SCN9A: variants seen among roughly 807,000 people sequenced by gnomAD.
SCN9A encodes the protein sodium voltage-gated channel alpha subunit 9, also known as sodium channel protein type 9 subunit alpha.
SCN9A carries 131 observed loss-of-function variants against 187.0 expected under a neutral mutation model. The observed-to-expected ratio is 0.70, with a 90% CI of 0.61 to 0.81. The LOEUF (loss-of-function observed/expected upper bound fraction) is 0.81. Among genes scored for constraint, SCN9A ranks in the 30% least tolerant of loss-of-function variants. The pLI is 0.00. For missense variants in SCN9A, 2,252 were observed against 2,396.6 expected, an observed-to-expected ratio of 0.94 and a Z score of 1.26; for synonymous variants, 809 against 808.6, an observed-to-expected ratio of 1.00 and a Z score of -0.01.
At chr2:166,297,575 C>T (rs1698373020) in intron 7 of SCN9A, among the ~76,000 whole-genome samples, 1 of 151,322 alleles carries the variant, frequency 6.6e-6, no homozygotes, top group Non-Finnish European at 1.5e-5. Context: ...TCCCTAGGGA[C>T]AGAAAGTAGA....
intron 16 of SCN9A, among the ~76,000 whole-genome samples, chr2:166,275,810 C>T (rs1697211566): frequency 6.6e-6 from 1 of 152,142 alleles, no homozygotes; most frequent in Non-Finnish European, 1.5e-5. Context: ...AGAATTTGTG[C>T]TGCATAAATG....
intron 15 of SCN9A, 71 bp from the exon 16 acceptor site, chr2:166,277,410 G>T: frequency 9.8e-7 from 1 of 1,016,052 alleles, no homozygotes; most frequent in Non-Finnish European, 1.5e-6. Flanking sequence ...CTTGATTTTT[G>T]TTCAAAGGGT....
Position 166,311,621 on chromosome 2 carries a change from C to T in SCN9A, c.136G>A (p.Ala46Thr), listed in dbSNP as rs779344629. The change falls in exon 2 of 27, where the codon GCC becomes ACC. Residue 46 changes from alanine to threonine, a missense_variant. Ala to Thr is a moderately conservative substitution (Grantham distance 58). This residue lies in a region of SCN9A where 1,013 missense variants were observed against 997.4 expected (regional missense o/e 1.02). Coordinates refer to ENST00000642356, the MANE Select transcript of SCN9A (RefSeq NM_001365536.1). ...KEEKKDDDEE[A>T]PKPSSDLEAG... Reference sequence around the variant, plus strand: ...TCCAAGTCACTGCTTGGCTTTGGGGCTTCTTCATCATCATCTTTCTTTTCT... The same window carrying T: ...TCCAAGTCACTGCTTGGCTTTGGGGTTTCTTCATCATCATCTTTCTTTTCT... The T allele has an allele frequency of 2.7e-5, 44 of 1,612,974 alleles. No individual in the cohort carries two copies. The highest frequency in any genetic ancestry group is 3.6e-5 in the Non-Finnish European group (43 of 1,179,710).
At chr2:166,316,066 T>C (rs1699099360) in intron 1 of SCN9A, among the ~76,000 whole-genome samples, 1 of 152,122 alleles carries the variant, frequency 6.6e-6, no homozygotes, top group Non-Finnish European at 1.5e-5. Flanking sequence ...AGATTTAATC[T>C]CATAACAATG....
At chr2:166,342,714 C>T (rs1044183181) in intron 1 of SCN9A, among the ~76,000 whole-genome samples, 11 of 152,190 alleles carry the variant, frequency 7.2e-5, no homozygotes, top group African/African-American at 2.2e-4. Context: ...TAAAAATATA[C>T]ACAAAATTGA....
intron 17 of SCN9A, among the ~76,000 whole-genome samples, chr2:166,258,789 A>T (rs1384940831): frequency 6.6e-6 from 1 of 151,690 alleles, no homozygotes; most frequent in Non-Finnish European, 1.5e-5. Flanking sequence ...CTTCTTCCAC[A>T]ATTTTTTAGA....
At chr2:166,211,608 C>G (rs1377908527) in intron 24 of SCN9A, among the ~76,000 whole-genome samples, 1 of 151,624 alleles carries the variant, frequency 6.6e-6, no homozygotes, top group Admixed American at 6.6e-5. Context: ...TGTAGAAACA[C>G]ATTATAAAAA....
At chr2:166,323,443 G>A (rs1454199495) in intron 1 of SCN9A, among the ~76,000 whole-genome samples, 1 of 152,100 alleles carries the variant, frequency 6.6e-6, no homozygotes, top group Non-Finnish European at 1.5e-5. Context: ...CTTCACATAG[G>A]GAAAATCTAT....
rs1366858788 is a variant in SCN9A at position 166,199,080 on chromosome 2, A to T, written c.5559T>A (p.Ser1853Arg). ...FAFTKRVLGE[S>R]GEMDSLRSQM... ...GTGAACGAAGAGAATCCATCTCCCCACTCTCACCCAAAACACGCTTTGTAA... is the reference window on the plus strand; with the variant it reads ...GTGAACGAAGAGAATCCATCTCCCCTCTCTCACCCAAAACACGCTTTGTAA... The change falls in exon 27 of 27, where the codon AGT becomes AGA. Residue 1853 changes from serine (S) to arginine (R), a missense_variant. Transcript: ENST00000642356. 1 of 1,613,890 alleles carries T rather than the reference A, an allele frequency of 6.2e-7. No individual in the cohort carries two copies. Among genetic ancestry groups the T allele is most frequent in the Non-Finnish European group, 8.5e-7 (1 of 1,180,020 alleles).
intron 9 of SCN9A, among the ~76,000 whole-genome samples, chr2:166,290,915 T>C (rs1466786715): frequency 2.0e-5 from 3 of 152,196 alleles, no homozygotes; most frequent in African/African-American, 7.2e-5. Context: ...AAACTAGGTA[T>C]TGATGGAACA....
At chr2:166,212,118 G>T (rs943144501) in intron 24 of SCN9A, among the ~76,000 whole-genome samples, 3 of 152,182 alleles carry the variant, frequency 2.0e-5, no homozygotes, top group Admixed American at 6.5e-5. Context: ...GAGCAATGGG[G>T]CTATACAGTC....
chr2:166,233,556 A>C (rs1051338022), intron 20 of SCN9A, 94 bp from the exon 21 acceptor site: 3 of 938,652 alleles, frequency 3.2e-6, no homozygotes, highest in Non-Finnish European at 4.6e-6. Context: ...GCAACTCAAC[A>C]GGAACAATAA....
intron 1 of SCN9A, among the ~76,000 whole-genome samples, chr2:166,325,311 A>T (rs1458981885): frequency 6.6e-6 from 1 of 152,128 alleles, no homozygotes; most frequent in African/African-American, 2.4e-5. Flanking sequence ...ATACATTAAA[A>T]ATACATATTT....
intron 20 of SCN9A, among the ~76,000 whole-genome samples, chr2:166,237,493 G>C (rs79653845): frequency 0.021 from 3,144 of 152,184 alleles, 120 homozygotes; most frequent in African/African-American, 0.072. Flanking sequence ...TGAAGGGCAA[G>C]TCGCATATTT....
intron 18 of SCN9A, among the ~76,000 whole-genome samples, chr2:166,242,996 T>C (rs920462246): frequency 6.6e-6 from 1 of 152,154 alleles, no homozygotes; most frequent in Non-Finnish European, 1.5e-5. Flanking sequence ...ACATGAATTT[T>C]AGGGTCTTCT....
At chr2:166,288,352 G>A in intron 10 of SCN9A, 85 bp downstream of exon 10, 1 of 1,005,356 alleles carries the variant, frequency 9.9e-7, no homozygotes, top group Non-Finnish European at 1.4e-6. Context: ...TCTAGCTGGA[G>A]AAGGCCAAGC....
intron 24 of SCN9A, 86 bp from the exon 25 acceptor site, chr2:166,204,550 G>A (rs1693706899): frequency 2.7e-6 from 2 of 730,534 alleles, no homozygotes; most frequent in Non-Finnish European, 4.3e-6. Context: ...AGGTTAAAAT[G>A]TGTTAATATA....
At chr2:166,247,201 C>T (rs1256991190) in intron 18 of SCN9A, among the ~76,000 whole-genome samples, 1 of 101,872 alleles carries the variant, frequency 9.8e-6, no homozygotes, top group Non-Finnish European at 2.1e-5. Context: ...AAAAAAGAAA[C>T]CACTGACCAC....
chr2:166,222,989 T>C (rs1405411201), intron 24 of SCN9A, among the ~76,000 whole-genome samples: 1 of 50,334 alleles, frequency 2.0e-5, no homozygotes, highest in Non-Finnish European at 4.5e-5. Context: ...CAAAAAACCG[T>C]AAAGAGATAT....
Sources: gnomAD v4.1 joint callset for allele counts (sites outside exome capture counted in the v4.1 genomes callset) on GRCh38, gnomAD v4.1.1 for gene constraint, gnomAD v4.1.1 regional missense constraint, MANE v1.5 for transcripts, NCBI Gene and HGNC (gene_info 2026-07-23, HGNC 2026-07-21) for gene names.